The following LRRN2 variants were observed in gnomAD, a reference collection of about 807,000 sequenced individuals.
LRRN2 encodes the protein leucine-rich repeat neuronal protein 2.
Under a neutral mutation model 35.7 loss-of-function variants are expected in LRRN2, and 10 were observed. The observed-to-expected ratio is 0.28, with a 90% CI of 0.17 to 0.47. LRRN2 has a LOEUF of 0.47. LRRN2 is among the 20% of genes least tolerant of loss of function. The pLI, the probability that LRRN2 is intolerant of heterozygous loss-of-function variation, is 0.99. For synonymous variants in LRRN2, 391 were observed against 409.6 expected (o/e 0.95, Z 0.55); for missense variants, 731 against 940.3 (o/e 0.78, Z 2.91).
intron 1 of LRRN2, among the ~76,000 whole-genome samples, chr1:204,662,864 AT>A (rs1378065962): frequency 6.6e-6 from 1 of 152,124 alleles, no homozygotes; most frequent in Non-Finnish European, 1.5e-5. Flanking sequence ...GCCTGGTTTC[AT>A]GATCACTAGA....
rs531232262 is a variant in LRRN2 at position 204,684,695 on chromosome 1, G to A, written c.-227+625C>T. Among the ~76,000 whole-genome samples, 20 of 152,224 alleles carry A rather than the reference G, an allele frequency of 1.3e-4. No homozygotes were observed. In the South Asian group the frequency reaches 3.7e-3, roughly 29 times the overall value. On this transcript the variant is annotated intron_variant, in intron 1 of 1. Transcript: ENST00000367177. ...CCCCCTGACCGAGTCCCCAGGCTGA[G>A]CCCCAGGCCGGCCCATCCCCCACCC... is the stretch of plus-strand genomic sequence containing the variant.
At chr1:204,637,132 G>A (rs531889178) in intron 1 of LRRN2, among the ~76,000 whole-genome samples, 3 of 152,138 alleles carry the variant, frequency 2.0e-5, no homozygotes, top group African/African-American at 4.8e-5. Flanking sequence ...TTTACTGTGC[G>A]GTATGTTGGA....
chr1:204,673,370 T>C (rs969135459), intron 1 of LRRN2, among the ~76,000 whole-genome samples: 1 of 152,236 alleles, frequency 6.6e-6, no homozygotes, highest in African/African-American at 2.4e-5. Context: ...GCCAAGCATT[T>C]TACAAGCATG....
intron 1 of LRRN2, among the ~76,000 whole-genome samples, chr1:204,674,395 C>G (rs563470338): frequency 2.6e-5 from 4 of 151,942 alleles, no homozygotes; most frequent in Non-Finnish European, 5.9e-5. Context: ...GAAACCAGAA[C>G]GGCAAATGTG....
intron 1 of LRRN2, among the ~76,000 whole-genome samples, chr1:204,678,599 C>A: frequency 6.6e-6 from 1 of 152,152 alleles, no homozygotes; most frequent in East Asian, 1.9e-4. Flanking sequence ...CTGCAACTCT[C>A]TGCCCTCACC....
chr1:204,652,968 C>T (rs1429999010), intron 1 of LRRN2, among the ~76,000 whole-genome samples: 1 of 152,144 alleles, frequency 6.6e-6, no homozygotes, highest in Non-Finnish European at 1.5e-5. Context: ...GGGTCTGTCC[C>T]GGGTGCAGCC....
chr1:204,655,585 C>T (rs1226140029), intron 1 of LRRN2, among the ~76,000 whole-genome samples: 4 of 151,804 alleles, frequency 2.6e-5, no homozygotes. Context: ...CATGAGCCAC[C>T]ATGCCCAGCC....
Position 204,619,347 on chromosome 1 carries a change from G to T in LRRN2, c.646C>A (p.Arg216Ser), listed in dbSNP as rs755645272. Residue 216 changes from arginine (R) to serine (S), a missense_variant, in exon 2 of 2, where the codon CGT (arginine) becomes AGT (serine). Around this residue, in one of 3 missense-constraint regions of LRRN2, gnomAD observed 246 missense variants for 289.5 expected, o/e 0.85. Transcript: ENST00000367177. ...TTCATGCCTGCTAGCACCAGGCTACGCAGGTTGGCCAGGGGCCGGAAGTTC... is the reference window on the plus strand; with the variant it reads ...TTCATGCCTGCTAGCACCAGGCTACTCAGGTTGGCCAGGGGCCGGAAGTTC... Reference protein sequence around the residue: ...DMNFRPLANLRSLVLAGMNLR... With the variant: ...DMNFRPLANLSSLVLAGMNLR... The T allele has an allele frequency of 6.2e-7, 1 of 1,614,246 alleles. No homozygotes were observed. The highest frequency in any genetic ancestry group is 1.7e-5 in the Admixed American group (1 of 60,034).
At chr1:204,647,244 A>G (rs919746757) in intron 1 of LRRN2, among the ~76,000 whole-genome samples, 3 of 152,232 alleles carry the variant, frequency 2.0e-5, no homozygotes, top group Non-Finnish European at 2.9e-5. Flanking sequence ...CTTTCCTTCA[A>G]TAGAGATTTC....
At chr1:204,666,683 G>A (rs1328185251) in intron 1 of LRRN2, among the ~76,000 whole-genome samples, 1 of 152,152 alleles carries the variant, frequency 6.6e-6, no homozygotes, top group African/African-American at 2.4e-5. Flanking sequence ...AAAAGCCACT[G>A]GGCGCGGTGG....
intron 1 of LRRN2, among the ~76,000 whole-genome samples, chr1:204,675,109 C>T (rs1199594410): frequency 6.6e-6 from 1 of 152,072 alleles, no homozygotes; most frequent in Non-Finnish European, 1.5e-5. Context: ...TCCTGGGCCT[C>T]GATTTCATTG....
chr1:204,645,658 T>C (rs1668088909), intron 1 of LRRN2, among the ~76,000 whole-genome samples: 1 of 152,156 alleles, frequency 6.6e-6, no homozygotes, highest in South Asian at 2.1e-4. Flanking sequence ...CAAGACTGGG[T>C]AATCTGAAAA....
At chr1:204,655,589 C>T (rs983521104) in intron 1 of LRRN2, among the ~76,000 whole-genome samples, 6 of 151,292 alleles carry the variant, frequency 4.0e-5, no homozygotes, top group Admixed American at 1.3e-4. Context: ...AGCCACCATG[C>T]CCAGCCAGGT....
chr1:204,636,208 G>C (rs1667829127), intron 1 of LRRN2, among the ~76,000 whole-genome samples: 1 of 152,174 alleles, frequency 6.6e-6, no homozygotes, highest in Non-Finnish European at 1.5e-5. Flanking sequence ...TGGCCTCATT[G>C]CTGTGATGCA....
chr1:204,654,035 A>C (rs1278409702), intron 1 of LRRN2, among the ~76,000 whole-genome samples: 11 of 60,342 alleles, frequency 1.8e-4, no homozygotes, highest in African/African-American at 7.7e-4. Context: ...GACCCTGACA[A>C]AAAAAAAAAA....
At chr1:204,627,261 C>T (rs1667455372) in intron 1 of LRRN2, 1 of 152,206 alleles carries the variant, frequency 6.6e-6, no homozygotes, top group East Asian at 1.9e-4. Context: ...GTGGAGGAGC[C>T]AGGATCCGAA....
At chr1:204,655,622 TCTC>T (rs1668332884) in intron 1 of LRRN2, among the ~76,000 whole-genome samples, 1 of 146,208 alleles carries the variant, frequency 6.8e-6, no homozygotes, top group African/African-American at 2.5e-5. Flanking sequence ...TTTTTTTTTT[TCTC>T]CTCCTTCCTT....
intron 1 of LRRN2, among the ~76,000 whole-genome samples, chr1:204,656,123 A>G (rs1259769349): frequency 6.6e-6 from 1 of 151,848 alleles, no homozygotes; most frequent in African/African-American, 2.4e-5. Flanking sequence ...GTTAGCCAGG[A>G]TGGTCTCGAT....
In LRRN2 at chr1:204,617,927, G is replaced by A. The variant is rs770398215; in HGVS notation, c.2066C>T (p.Pro689Leu). The A allele has an allele frequency of 6.2e-7, 1 of 1,614,010 alleles. No homozygotes were observed. The highest frequency in any genetic ancestry group is 8.5e-7 in the Non-Finnish European group (1 of 1,180,022). The change falls in exon 2 of 2, where the codon CCC (proline) becomes CTC (leucine). Residue 689 changes from proline to leucine, a missense_variant. Physicochemically the swap from Pro to Leu is moderately conservative, Grantham distance 98. Transcript: ENST00000367177. ...VRVVSAPLVL[P>L]WNPGRKLPRS... is the part of the protein sequence containing the mutation. Reference sequence around the variant, plus strand: ...GGGCAGCTTCCTCCCTGGATTCCAGGGCAGGACGAGGGGAGCAGACACAAC... The same window carrying A: ...GGGCAGCTTCCTCCCTGGATTCCAGAGCAGGACGAGGGGAGCAGACACAAC...
Sources: gnomAD v4.1 joint callset for allele counts (sites outside exome capture counted in the v4.1 genomes callset) on GRCh38, gnomAD v4.1.1 for gene constraint, gnomAD v4.1.1 regional missense constraint, MANE v1.5 for transcripts, NCBI Gene and HGNC (gene_info 2026-07-23, HGNC 2026-07-21) for gene names.